ATP8A2: variants seen among roughly 807,000 people sequenced by gnomAD.
ATP8A2 encodes ATPase phospholipid transporting 8A2.
ATP8A2 carries 100 observed loss-of-function variants against 165.6 expected under a neutral mutation model. That is an observed-to-expected ratio of 0.60 (90% CI 0.51 to 0.71). ATP8A2 has a LOEUF of 0.71. Among genes scored for constraint, ATP8A2 ranks in the 30% least tolerant of loss-of-function variants. The pLI is 0.00. For synonymous variants in ATP8A2, 543 were observed against 548.8 expected (o/e 0.99, Z 0.15); for missense variants, 1,227 against 1,479.5 (o/e 0.83, Z 2.80).
chr13:25,854,730 C>A (rs184344150), intron 30 of ATP8A2, among the ~76,000 whole-genome samples: 3 of 152,208 alleles, frequency 2.0e-5, no homozygotes, highest in Admixed American at 1.3e-4. Context: ...TGTATCTGTA[C>A]TGCCCAATAC....
At chr13:25,386,548 A>G (rs914153189) in intron 1 of ATP8A2, among the ~76,000 whole-genome samples, 1 of 152,180 alleles carries the variant, frequency 6.6e-6, no homozygotes, top group African/African-American at 2.4e-5. Context: ...CTCTCTAAGA[A>G]TGAAAGCTAT....
At chr13:25,423,688 G>A (rs1165245507) in intron 1 of ATP8A2, among the ~76,000 whole-genome samples, 2 of 152,122 alleles carry the variant, frequency 1.3e-5, no homozygotes, top group Admixed American at 6.6e-5. Context: ...TGTGTATTAC[G>A]GACTACTGTT....
intron 27 of ATP8A2, among the ~76,000 whole-genome samples, chr13:25,792,920 AAAAG>A (rs1276483780): frequency 5.3e-5 from 8 of 151,480 alleles, no homozygotes; most frequent in African/African-American, 7.3e-5. Context: ...AAAGAAAAGA[AAAAG>A]AGAGAGAGAG....
Position 25,794,820 on chromosome 13 carries a change from TACACACACACAC to T in ATP8A2, c.2679+19890_2679+19901del, listed in dbSNP as rs3053488. 2.0e-4 allele frequency among the ~76,000 whole-genome samples: 28 copies of T among 139,550 alleles called. 1 individual carries two copies. The highest frequency in any genetic ancestry group is 2.9e-4 in the Admixed American group (4 of 13,878). 91.6% of individuals were successfully genotyped at this position (139,550 alleles called of 152,430 possible). On this transcript the variant is annotated intron_variant, in intron 27 of 36. Coordinates refer to ENST00000381655, the MANE Select transcript of ATP8A2 (RefSeq NM_016529.6). The stretch of plus-strand genomic sequence containing the variant: ...TTCTGCCCCAACGCATTCCCTCTCC[TACACACACACAC>T]ACACACACACACACACACACACACA...
At chr13:25,940,020 G>A (rs1366951062) in intron 33 of ATP8A2, among the ~76,000 whole-genome samples, 9 of 152,090 alleles carry the variant, frequency 5.9e-5, no homozygotes, top group African/African-American at 9.7e-5. Flanking sequence ...CACGTTTGGC[G>A]AAACGTGAAA....
intron 24 of ATP8A2, among the ~76,000 whole-genome samples, chr13:25,617,677 AT>A: frequency 6.6e-6 from 1 of 152,242 alleles, no homozygotes; most frequent in African/African-American, 2.4e-5. Context: ...GAATTTATTA[AT>A]TTTTGTTACA....
intron 30 of ATP8A2, among the ~76,000 whole-genome samples, chr13:25,857,915 C>T (rs185940157): frequency 1.3e-4 from 20 of 152,176 alleles, no homozygotes; most frequent in East Asian, 1.9e-4. Flanking sequence ...GACATTTTAT[C>T]GTGTATCTGT....
intron 33 of ATP8A2, among the ~76,000 whole-genome samples, chr13:25,883,415 T>G (rs1013936094): frequency 6.6e-6 from 1 of 151,916 alleles, no homozygotes; most frequent in Non-Finnish European, 1.5e-5. Context: ...TGAAACTCCA[T>G]CTCAAAAAAA....
At chr13:25,815,746 G>A (rs2138540448) in intron 27 of ATP8A2, among the ~76,000 whole-genome samples, 1 of 152,238 alleles carries the variant, frequency 6.6e-6, no homozygotes, top group Admixed American at 6.5e-5. Flanking sequence ...ACTGTTTATA[G>A]CAGCATTATT....
intron 27 of ATP8A2, among the ~76,000 whole-genome samples, chr13:25,782,134 T>C (rs1177523045): frequency 6.6e-6 from 1 of 152,182 alleles, no homozygotes; most frequent in Non-Finnish European, 1.5e-5. Flanking sequence ...TGTGTTTCAT[T>C]TGGGGGACAC....
intron 36 of ATP8A2, among the ~76,000 whole-genome samples, chr13:26,019,239 C>CA (rs369411184): frequency 0.026 from 3,963 of 150,676 alleles, 123 homozygotes; most frequent in South Asian, 0.086. Context: ...ACTAAAAATA[C>CA]AAAAAAAAAT....
intron 24 of ATP8A2, among the ~76,000 whole-genome samples, chr13:25,624,353 G>A (rs2041050608): frequency 6.6e-6 from 1 of 152,122 alleles, no homozygotes. Context: ...AGGAAAAGGA[G>A]ACAAATGAAA....
At chr13:25,386,288 C>T (rs755741283) in intron 1 of ATP8A2, among the ~76,000 whole-genome samples, 3 of 152,086 alleles carry the variant, frequency 2.0e-5, no homozygotes, top group East Asian at 1.9e-4. Flanking sequence ...CAGTTGTTCC[C>T]GAGAAACAAA....
chr13:25,644,978 T>C (rs1244475312), intron 24 of ATP8A2, among the ~76,000 whole-genome samples: 2 of 152,202 alleles, frequency 1.3e-5, no homozygotes, highest in Admixed American at 6.5e-5. Flanking sequence ...GGTTTGTCAA[T>C]TTTGTTTGTC....
chr13:25,665,717 A>T (rs907184301), intron 24 of ATP8A2, among the ~76,000 whole-genome samples: 1 of 151,628 alleles, frequency 6.6e-6, no homozygotes, highest in Non-Finnish European at 1.5e-5. Context: ...TGTTTTTATT[A>T]TTATTATTAT....
intron 24 of ATP8A2, among the ~76,000 whole-genome samples, chr13:25,622,833 C>T (rs1273169740): frequency 1.3e-5 from 2 of 152,092 alleles, no homozygotes; most frequent in Non-Finnish European, 2.9e-5. Flanking sequence ...ACCCTCTGGT[C>T]CCAAGCATTT....
intron 18 of ATP8A2, among the ~76,000 whole-genome samples, chr13:25,573,526 T>A (rs1472819524): frequency 6.6e-6 from 1 of 152,178 alleles, no homozygotes; most frequent in African/African-American, 2.4e-5. Context: ...GTTTTGCATA[T>A]AAGTAAAAGA....
intron 33 of ATP8A2, among the ~76,000 whole-genome samples, chr13:25,900,646 G>A (rs912720510): frequency 4.6e-5 from 7 of 152,152 alleles, no homozygotes; most frequent in African/African-American, 1.7e-4. Flanking sequence ...TGTCTGATGT[G>A]GTCAAAAACT....
intron 2 of ATP8A2, among the ~76,000 whole-genome samples, chr13:25,524,029 T>C (rs1007635000): frequency 1.6e-4 from 25 of 152,172 alleles, no homozygotes; most frequent in African/African-American, 6.0e-4. Context: ...TTGCTTTTGC[T>C]GTATCCCATA....
Sources: allele counts gnomAD v4.1 joint callset (sites outside exome capture counted in the v4.1 genomes callset), GRCh38; gene constraint gnomAD v4.1.1; transcripts MANE v1.5; gene names NCBI Gene and HGNC (gene_info 2026-07-23, HGNC 2026-07-21).